Variants in GAREM1 observed in about 807,000 individuals in gnomAD.
The protein encoded by GAREM1 is GRB2 associated regulator of MAPK1 subtype 1, also known as GRB2-associated and regulator of MAPK protein 1.
A neutral mutation model predicts 71.3 loss-of-function variants in GAREM1; 26 were observed. The ratio of observed to expected loss-of-function variants is 0.36; its 90% CI spans 0.27 to 0.51. The LOEUF is 0.51. Among genes scored for constraint, GAREM1 ranks in the 20% least tolerant of loss-of-function variants. The pLI, the probability that GAREM1 is intolerant of heterozygous loss-of-function variation, is 0.95. For missense variants in GAREM1, 1,026 were observed against 1,103.1 expected (o/e 0.93, Z 0.99); for synonymous variants, 440 against 433.2 (o/e 1.02, Z -0.20).
chr18:32,293,443 G>T (rs954492647), intron 3 of GAREM1, among the ~76,000 whole-genome samples: 1 of 152,138 alleles, frequency 6.6e-6, no homozygotes, highest in African/African-American at 2.4e-5. Flanking sequence ...AGACCACGAT[G>T]AATTATAATC....
chr18:32,386,592 G>C (rs1228079235), intron 2 of GAREM1, among the ~76,000 whole-genome samples: 1 of 152,174 alleles, frequency 6.6e-6, no homozygotes, highest in African/African-American at 2.4e-5. Context: ...AGATGCTTAT[G>C]TTCAAGTAGC....
At chr18:32,361,986 T>C (rs1415466847) in intron 2 of GAREM1, among the ~76,000 whole-genome samples, 3 of 152,184 alleles carry the variant, frequency 2.0e-5, no homozygotes, top group African/African-American at 7.2e-5. Flanking sequence ...CAAGCAATGT[T>C]ACAAAAATCA....
chr18:32,324,221 G>A (rs1020801334), intron 2 of GAREM1, among the ~76,000 whole-genome samples: 1 of 152,154 alleles, frequency 6.6e-6, no homozygotes, highest in East Asian at 1.9e-4. Context: ...TCTCTTCTAC[G>A]CCTTATGGAA....
At chr18:32,310,433 C>A in intron 2 of GAREM1, 110 bp from the exon 3 acceptor site, 1 of 1,068,138 alleles carries the variant, frequency 9.4e-7, no homozygotes, top group East Asian at 2.6e-5. Flanking sequence ...TCAAAGATTC[C>A]TGTTCATCAT....
intron 2 of GAREM1, among the ~76,000 whole-genome samples, chr18:32,337,313 C>A (rs533108653): frequency 2.0e-5 from 3 of 152,214 alleles, no homozygotes; most frequent in Non-Finnish European, 2.9e-5. Context: ...CACACTTAAA[C>A]GTCATCCTGG....
intron 4 of GAREM1, among the ~76,000 whole-genome samples, chr18:32,274,714 T>G (rs183519018): frequency 2.2e-4 from 33 of 152,266 alleles, no homozygotes; most frequent in African/African-American, 7.9e-4. Flanking sequence ...TTCTCTGGTT[T>G]AGTTTTTACT....
At chr18:32,361,704 A>G (rs1463006338) in intron 2 of GAREM1, among the ~76,000 whole-genome samples, 2 of 152,198 alleles carry the variant, frequency 1.3e-5, no homozygotes, top group Non-Finnish European at 2.9e-5. Context: ...TAAGCCAATT[A>G]TTTTAGAAAA....
intron 2 of GAREM1, among the ~76,000 whole-genome samples, chr18:32,354,643 G>A (rs1195037271): frequency 1.3e-5 from 2 of 152,146 alleles, no homozygotes; most frequent in African/African-American, 4.8e-5. Context: ...TAGAAGAGAC[G>A]GCAGAGACAG....
intron 1 of GAREM1, among the ~76,000 whole-genome samples, chr18:32,402,312 A>G (rs1337013283): frequency 6.6e-6 from 1 of 152,126 alleles, no homozygotes; most frequent in Non-Finnish European, 1.5e-5. Context: ...TACTTGCCCC[A>G]TTTGACCTTG....
At chr18:32,411,922 T>G (rs2144685107) in intron 1 of GAREM1, among the ~76,000 whole-genome samples, 1 of 152,198 alleles carries the variant, frequency 6.6e-6, no homozygotes, top group African/African-American at 2.4e-5. Flanking sequence ...ACTATTACAT[T>G]TAGCAATCAA....
chr18:32,359,001 C>T (rs2047834552), intron 2 of GAREM1, among the ~76,000 whole-genome samples: 1 of 152,206 alleles, frequency 6.6e-6, no homozygotes, highest in South Asian at 2.1e-4. Flanking sequence ...CCACACCTCA[C>T]TGGAAGAACC....
chr18:32,444,728 C>T (rs1391722715), intron 1 of GAREM1, among the ~76,000 whole-genome samples: 2 of 152,096 alleles, frequency 1.3e-5, no homozygotes, highest in Non-Finnish European at 2.9e-5. Flanking sequence ...CAACCTGCCC[C>T]GATGAATTAA....
At chr18:32,439,669 C>T (rs531127149) in intron 1 of GAREM1, among the ~76,000 whole-genome samples, 1 of 150,394 alleles carries the variant, frequency 6.6e-6, no homozygotes, top group East Asian at 2.0e-4. Flanking sequence ...CTTTAAAAAG[C>T]ACTTTTTTAA....
Position 32,425,315 on chromosome 18 carries a change from A to G in GAREM1, c.122-32280T>C, listed in dbSNP as rs111739784. 6.3e-3 allele frequency among the ~76,000 whole-genome samples: 964 copies of G among 152,276 alleles called. 5 individuals carry two copies. The highest frequency in any genetic ancestry group is 0.018 in the African/African-American group (748 of 41,556). The stretch of plus-strand genomic sequence containing the variant: ...TATTTGGAGCCATTTCCCATTAACT[A>G]CTGTGAAGATTTCTTTAAGAAAGGT... On this transcript the variant is annotated intron_variant, in intron 1 of 5. Coordinates refer to ENST00000269209, the MANE Select transcript of GAREM1 (RefSeq NM_001242409.2).
intron 1 of GAREM1, among the ~76,000 whole-genome samples, chr18:32,469,241 A>G (rs1474234206): frequency 1.3e-5 from 2 of 152,134 alleles, no homozygotes; most frequent in Non-Finnish European, 2.9e-5. Context: ...CTTCTACCCC[A>G]GGAAACAAGG....
Position 32,267,898 on chromosome 18 carries a change from G to T in GAREM1, c.2604C>A (p.Phe868Leu). ...SKLQVKKIMQ[F>L]INGWRPKI is the part of the protein sequence containing the mutation. ...ATATTTTGGGCCTCCAGCCATTAAT[G>T]AATTGCATTATCTTCTTCACCTGCA... The change falls in exon 6 of 6, where the codon TTC becomes TTA. Residue 868 changes from phenylalanine to leucine, a missense_variant. Physicochemically the swap from Phe to Leu is conservative, Grantham distance 22 (BLOSUM62 0). Around this residue, in one of 3 missense-constraint regions of GAREM1, gnomAD observed 636 missense variants for 631.2 expected, o/e 1.01. Coordinates refer to ENST00000269209, the MANE Select transcript of GAREM1 (RefSeq NM_001242409.2). The T allele has an allele frequency of 6.2e-7, 1 of 1,612,516 alleles. No individual in the cohort carries two copies. Among genetic ancestry groups the T allele is most frequent in the Non-Finnish European group, 8.5e-7 (1 of 1,178,818 alleles).
intron 1 of GAREM1, among the ~76,000 whole-genome samples, chr18:32,423,551 T>G (rs2048541852): frequency 6.6e-6 from 1 of 152,090 alleles, no homozygotes; most frequent in Non-Finnish European, 1.5e-5. Context: ...ATAATTCAGG[T>G]TTTTCTTAGA....
At chr18:32,269,093 G>A (rs1409330320) in intron 5 of GAREM1, among the ~76,000 whole-genome samples, 1 of 152,134 alleles carries the variant, frequency 6.6e-6, no homozygotes, top group Non-Finnish European at 1.5e-5. Context: ...GCACCAACAG[G>A]TGCCATGATT....
intron 1 of GAREM1, among the ~76,000 whole-genome samples, chr18:32,407,368 G>T (rs1000780934): frequency 3.9e-5 from 6 of 152,212 alleles, no homozygotes; most frequent in African/African-American, 1.4e-4. Flanking sequence ...TCTGAGTGGA[G>T]GTTGCAGTGA....
Sources: allele counts gnomAD v4.1 joint callset (sites outside exome capture counted in the v4.1 genomes callset), GRCh38; gene constraint gnomAD v4.1.1; regional missense constraint gnomAD v4.1.1; transcripts MANE v1.5; gene names NCBI Gene and HGNC (gene_info 2026-07-23, HGNC 2026-07-21).